Variants in MRC1 observed in about 807,000 individuals in gnomAD.
MRC1 encodes the protein mannose receptor C-type 1.
In MRC1, 62 loss-of-function variants were observed where a neutral mutation model predicts 102.9. The observed-to-expected ratio is 0.60, with a 90% CI of 0.49 to 0.74. The LOEUF is 0.74. MRC1 is among the 30% of genes least tolerant of loss of function. The pLI, the probability that MRC1 is intolerant of heterozygous loss-of-function variation, is 0.00. For missense variants in MRC1, 1,237 were observed against 862.8 expected (o/e 1.43, Z -5.43); for synonymous variants, 457 against 298.4 (o/e 1.53, Z -5.48).
intron 21 of MRC1, among the ~76,000 whole-genome samples, chr10:17,883,311 T>C (rs927007376): frequency 2.0e-5 from 3 of 152,052 alleles, no homozygotes; most frequent in Non-Finnish European, 4.4e-5. Flanking sequence ...AATTTTTTTG[T>C]AGAGAGAGGG....
chr10:17,838,503 T>C (rs960175428), intron 4 of MRC1, among the ~76,000 whole-genome samples: 4 of 151,652 alleles, frequency 2.6e-5, no homozygotes, highest in African/African-American at 9.7e-5. Context: ...GTTTCCCCGA[T>C]GGTTTTTACC....
At chr10:17,866,494 T>C (rs1339357880) in intron 11 of MRC1, 68 bp from the exon 12 acceptor site, 1 of 780,652 alleles carries the variant, frequency 1.3e-6, no homozygotes, top group African/African-American at 1.7e-5. Context: ...TCTGAGTGCC[T>C]TCTGTGAGCA....
intron 23 of MRC1, among the ~76,000 whole-genome samples, chr10:17,895,974 T>A (rs1011668093): frequency 8.5e-5 from 13 of 152,216 alleles, no homozygotes; most frequent in Non-Finnish European, 1.8e-4. Context: ...GGAAAAGGAA[T>A]GGTAACTTCT....
chr10:17,845,769 A>G (rs1838817684), intron 6 of MRC1, among the ~76,000 whole-genome samples: 1 of 152,200 alleles, frequency 6.6e-6, no homozygotes, highest in Admixed American at 6.5e-5. Context: ...CAAAACCGGA[A>G]TCCAAGCTAG....
At chr10:17,891,655 A>T (rs930504901) in intron 22 of MRC1, among the ~76,000 whole-genome samples, 83 of 152,294 alleles carry the variant, frequency 5.4e-4, no homozygotes, top group Admixed American at 3.1e-3. Flanking sequence ...AACAGAGGTA[A>T]ATAGACATTT....
At chr10:17,888,418 A>T (rs1833629868) in intron 22 of MRC1, among the ~76,000 whole-genome samples, 1 of 152,196 alleles carries the variant, frequency 6.6e-6, no homozygotes, top group Non-Finnish European at 1.5e-5. Flanking sequence ...CTGTAGCTCA[A>T]GGGATGGGTT....
chr10:17,885,395 G>C lies in MRC1; in HGVS notation c.3107G>C (p.Gly1036Ala). Residue 1036 changes from glycine to alanine, a missense_variant, in exon 22 of 30, where the codon GGT (glycine) becomes GCT (alanine). By Grantham distance (60) the Gly-to-Ala change is moderately conservative. Transcript: ENST00000569591. ...RGVHYTNWGKGYPGGRRSSLS... is the reference protein window; with the variant it reads ...RGVHYTNWGKAYPGGRRSSLS... ...GTCCATTACACAAACTGGGGGAAAG[G>C]TTACCCTGGTGGAAGAAGAAGCAGT... 3.8e-6 allele frequency: 3 copies of C among 780,868 alleles called. No individual in the cohort carries two copies. The South Asian group carries it at 4.0e-5, about 10-fold the overall frequency. The allele number at this position is 780,868 out of a possible 1,614,324, so 48.4% of individuals were successfully genotyped here.
chr10:17,894,382 C>G, intron 23 of MRC1, 70 bp downstream of exon 23: 2 of 626,374 alleles, frequency 3.2e-6, no homozygotes, highest in South Asian at 1.7e-5. Context: ...TTCTTTCTTT[C>G]TTTCTTTCTT....
intron 1 of MRC1, among the ~76,000 whole-genome samples, chr10:17,821,154 T>G (rs1488858644): frequency 3.3e-5 from 5 of 152,064 alleles, no homozygotes. Flanking sequence ...CATGAATGAG[T>G]AACCCAGCAG....
At chr10:17,840,920 C>G in intron 5 of MRC1, 114 bp downstream of exon 5, 1 of 763,546 alleles carries the variant, frequency 1.3e-6, no homozygotes, top group South Asian at 1.4e-5. Context: ...GAGACTTCAT[C>G]AAATACAGTT....
In MRC1 at chr10:17,856,349, GA is replaced by G; in HGVS notation, c.1518del (p.Gly507AlafsTer11). The G allele has an allele frequency of 1.2e-6, 1 of 847,964 alleles. No homozygotes were observed. The allele number at this position is 847,964 out of a possible 1,614,324, so 52.5% of individuals were successfully genotyped here. A position where few individuals can be genotyped will look rare whatever the true frequency, so the allele number is the denominator to read the frequency against. On this transcript the variant is annotated frameshift_variant and splice_region_variant, in exon 9 of 30. Transcript: ENST00000569591. LOFTEE classifies it high-confidence loss of function. Reference sequence around the variant, plus strand: ...TAGTGGAAGTCGAAAAAGGCTGCAGGAAAGTGAGTGCACCATGCCCACAGTG... The same window carrying G: ...TAGTGGAAGTCGAAAAAGGCTGCAGGAAGTGAGTGCACCATGCCCACAGTG... ...EIVEVEKGCR[K>X]GWKKHHFYCY... is the part of the protein sequence containing the mutation.
At chr10:17,810,487 G>C (rs1838205748) in intron 1 of MRC1, among the ~76,000 whole-genome samples, 1 of 152,178 alleles carries the variant, frequency 6.6e-6, no homozygotes, top group Non-Finnish European at 1.5e-5. Flanking sequence ...CATAAGTATT[G>C]AGTGGTAGTG....
intron 12 of MRC1, among the ~76,000 whole-genome samples, chr10:17,867,953 G>T (rs1275753495): frequency 6.6e-6 from 1 of 152,120 alleles, no homozygotes; most frequent in Non-Finnish European, 1.5e-5. Flanking sequence ...GCTTTTCAGT[G>T]CCCATTAAAT....
chr10:17,854,079 T>C (rs1833039016), intron 8 of MRC1, among the ~76,000 whole-genome samples: 1 of 152,262 alleles, frequency 6.6e-6, no homozygotes, highest in East Asian at 1.9e-4. Context: ...GCCTCCCAAA[T>C]AGCTGTGACT....
intron 1 of MRC1, among the ~76,000 whole-genome samples, chr10:17,820,035 C>G (rs1444733614): frequency 6.6e-6 from 1 of 152,190 alleles, no homozygotes; most frequent in Non-Finnish European, 1.5e-5. Flanking sequence ...TCTTCTTCAG[C>G]TTGTTTCTCT....
At chr10:17,830,592 G>A (rs1838555753) in intron 3 of MRC1, among the ~76,000 whole-genome samples, 1 of 151,058 alleles carries the variant, frequency 6.6e-6, no homozygotes, top group African/African-American at 2.5e-5. Context: ...TTCAAGTATC[G>A]TGAGAACAGG....
chr10:17,868,665 T>C (rs1248220464), intron 12 of MRC1, among the ~76,000 whole-genome samples: 14 of 152,212 alleles, frequency 9.2e-5, no homozygotes, highest in African/African-American at 3.1e-4. Context: ...GGCCATGACA[T>C]GCCCTGTAAG....
chr10:17,817,258 A>G (rs1245523485), intron 1 of MRC1, among the ~76,000 whole-genome samples: 2 of 151,896 alleles, frequency 1.3e-5, no homozygotes, highest in African/African-American at 4.8e-5. Flanking sequence ...AAAAAAAAAA[A>G]AAAAAAAAAG....
At chr10:17,859,994 G>A (rs1234005115) in intron 9 of MRC1, among the ~76,000 whole-genome samples, 1 of 152,120 alleles carries the variant, frequency 6.6e-6, no homozygotes, top group Non-Finnish European at 1.5e-5. Flanking sequence ...GGTTACCGGG[G>A]TTACTGGTAT....
Sources: allele counts gnomAD v4.1 joint callset (sites outside exome capture counted in the v4.1 genomes callset), GRCh38; gene constraint gnomAD v4.1.1; transcripts MANE v1.5; gene names NCBI Gene and HGNC (gene_info 2026-07-23, HGNC 2026-07-21).